The following IL1RAPL1 variants were observed in gnomAD, a reference collection of about 807,000 sequenced individuals.
The protein encoded by IL1RAPL1 is interleukin-1 receptor accessory protein-like 1.
In IL1RAPL1, 3 loss-of-function variants were observed where a neutral mutation model predicts 48.4. The observed-to-expected ratio is 0.06, with a 90% CI of 0.03 to 0.16. The LOEUF is 0.16. IL1RAPL1 is among the 10% of genes least tolerant of loss of function. IL1RAPL1 has a pLI of 1.00. For missense variants in IL1RAPL1, 349 were observed against 530.6 expected (o/e 0.66, Z 3.36); for synonymous variants, 185 against 187.7 (o/e 0.99, Z 0.12).
intron 1 of IL1RAPL1, among the ~76,000 whole-genome samples, chrX:28,686,528 CTT>C (rs1194265996): frequency 8.9e-6 from 1 of 111,878 alleles, no homozygotes; most frequent in Admixed American, 9.5e-5. Context: ...CTGCATATCT[CTT>C]GTCTCAGATG....
chrX:28,644,918 C>A (rs1934589593), intron 1 of IL1RAPL1, among the ~76,000 whole-genome samples: 1 of 111,297 alleles, frequency 9.0e-6, no homozygotes, highest in Admixed American at 9.6e-5. Flanking sequence ...TCATACTCAT[C>A]CATAAAATAT....
At chrX:28,883,838 T>C (rs1286652428) in intron 2 of IL1RAPL1, among the ~76,000 whole-genome samples, 1 of 112,443 alleles carries the variant, frequency 8.9e-6, no homozygotes, top group Admixed American at 9.5e-5. Context: ...ACTGATAGCA[T>C]TCCTTGGAAA....
At chrX:29,213,545 G>T (rs2147543933) in intron 2 of IL1RAPL1, among the ~76,000 whole-genome samples, 1 of 112,434 alleles carries the variant, frequency 8.9e-6, no homozygotes, top group South Asian at 3.6e-4. Flanking sequence ...GTTTTTACAA[G>T]AGCTAGTAAG....
chrX:29,286,126 T>G (rs1268785173), intron 3 of IL1RAPL1, among the ~76,000 whole-genome samples: 2 of 111,804 alleles, frequency 1.8e-5, no homozygotes, highest in Non-Finnish European at 3.8e-5. Flanking sequence ...TGCAATTAAA[T>G]GGCATACATA....
intron 2 of IL1RAPL1, among the ~76,000 whole-genome samples, chrX:29,139,338 A>T (rs1163444422): frequency 2.1e-5 from 2 of 96,586 alleles, no homozygotes; most frequent in African/African-American, 4.3e-5. Flanking sequence ...GAGAAAAATA[A>T]TGGAAAAGGG....
chrX:29,752,495 C>CCAAAAA (rs533554738), intron 6 of IL1RAPL1, among the ~76,000 whole-genome samples: 59 of 52,672 alleles, frequency 1.1e-3, no homozygotes, highest in African/African-American at 4.2e-3. Flanking sequence ...GACTTTGTCT[C>CCAAAAA]AAAAAAAAAA....
At chrX:28,845,683 G>A (rs141306038) in intron 2 of IL1RAPL1, among the ~76,000 whole-genome samples, 2 of 111,444 alleles carry the variant, frequency 1.8e-5, no homozygotes, top group East Asian at 5.6e-4. Flanking sequence ...CTCATATAAA[G>A]TATAAATAAA....
chrX:29,778,623 C>T (rs1929263961), intron 6 of IL1RAPL1, among the ~76,000 whole-genome samples: 1 of 111,750 alleles, frequency 8.9e-6, no homozygotes, highest in Admixed American at 9.5e-5. Context: ...CCTCTGCCAC[C>T]CAGGGCTACT....
chrX:29,237,488 A>C (rs1389476225), intron 2 of IL1RAPL1, among the ~76,000 whole-genome samples: 2 of 112,655 alleles, frequency 1.8e-5, no homozygotes, highest in African/African-American at 3.2e-5. Flanking sequence ...TATGCTTTGC[A>C]CATGGCAGAT....
chrX:29,072,103 C>T (rs949413099), intron 2 of IL1RAPL1, among the ~76,000 whole-genome samples: 1 of 110,186 alleles, frequency 9.1e-6, no homozygotes, highest in Admixed American at 9.7e-5. Context: ...ATATGGCTTC[C>T]ATCCAATGAT....
intron 5 of IL1RAPL1, among the ~76,000 whole-genome samples, chrX:29,587,656 T>C (rs1353482197): frequency 1.8e-5 from 2 of 112,136 alleles, no homozygotes; most frequent in Non-Finnish European, 3.8e-5. Flanking sequence ...TATTTCTCCA[T>C]TTAAAAAATA....
chrX:29,176,276 G>C (rs111469441), intron 2 of IL1RAPL1, among the ~76,000 whole-genome samples: 1 of 70,552 alleles, frequency 1.4e-5, no homozygotes, highest in African/African-American at 5.0e-5. Context: ...TTTTTTTTTT[G>C]TATTTTTTTA....
chrX:28,723,238 T>G (rs760425816), intron 1 of IL1RAPL1, among the ~76,000 whole-genome samples: 2 of 111,070 alleles, frequency 1.8e-5, no homozygotes, highest in East Asian at 5.7e-4. Context: ...TTTTTTTGAT[T>G]GGTAGGCTAT....
chrX:28,794,441 A>G (rs923081375), intron 2 of IL1RAPL1, among the ~76,000 whole-genome samples: 6 of 112,173 alleles, frequency 5.3e-5, no homozygotes, highest in Non-Finnish European at 1.1e-4. Context: ...AGGATAAATA[A>G]GCAAGTGACT....
intron 1 of IL1RAPL1, among the ~76,000 whole-genome samples, chrX:28,771,199 A>T (rs1294403394): frequency 9.0e-6 from 1 of 111,625 alleles, no homozygotes; most frequent in Non-Finnish European, 1.9e-5. Context: ...AGTTTCTACC[A>T]TCTCCACTGT....
chrX:29,112,346 A>G (rs1413109503), intron 2 of IL1RAPL1, among the ~76,000 whole-genome samples: 1 of 111,492 alleles, frequency 9.0e-6, no homozygotes, highest in African/African-American at 3.3e-5. Context: ...TTAAAGGATT[A>G]TTTCCTACCC....
chrX:29,765,230 A>G (rs1928852974), intron 6 of IL1RAPL1, among the ~76,000 whole-genome samples: 1 of 104,761 alleles, frequency 9.5e-6, no homozygotes, highest in Non-Finnish European at 1.9e-5. Flanking sequence ...TGAAGTTAAT[A>G]GCAGTAGTTC....
At chrX:29,902,281 C>A (rs1932510756) in intron 6 of IL1RAPL1, among the ~76,000 whole-genome samples, 1 of 110,945 alleles carries the variant, frequency 9.0e-6, no homozygotes, top group African/African-American at 3.3e-5. Flanking sequence ...AAGAGGGACA[C>A]CCCCTCTTCT....
intron 2 of IL1RAPL1, among the ~76,000 whole-genome samples, chrX:29,101,270 C>T (rs1380443033): frequency 8.9e-6 from 1 of 111,922 alleles, no homozygotes; most frequent in Admixed American, 9.5e-5. Flanking sequence ...AGACAAATTC[C>T]TAGACACATA....
Sources: allele counts gnomAD v4.1 joint callset (sites outside exome capture counted in the v4.1 genomes callset), GRCh38; gene constraint gnomAD v4.1.1; transcripts MANE v1.5; gene names NCBI Gene and HGNC (gene_info 2026-07-23, HGNC 2026-07-21).